Variants in PTPN4 observed in about 807,000 individuals in gnomAD.
PTPN4 encodes tyrosine-protein phosphatase non-receptor type 4.
A neutral mutation model predicts 135.5 loss-of-function variants in PTPN4; 49 were observed. The observed-to-expected ratio is 0.36, with a 90% CI of 0.29 to 0.46. PTPN4 has a LOEUF of 0.46. PTPN4 is among the 20% of genes least tolerant of loss of function. PTPN4 has a pLI of 1.00. For missense variants in PTPN4, 860 were observed against 1,101.0 expected (o/e 0.78, Z 3.10); for synonymous variants, 333 against 369.9 (o/e 0.90, Z 1.14).
intron 1 of PTPN4, among the ~76,000 whole-genome samples, chr2:119,793,846 G>GTTTTTTTTTTTTTTTTTTTTTTTT (rs55956611): frequency 1.2e-4 from 3 of 24,800 alleles, no homozygotes; most frequent in African/African-American, 1.8e-4. Flanking sequence ...TTCATTTTTA[G>GTTTTTTTTTTTTTTTTTTTTTTTT]TTTTTTTTTT....
intron 13 of PTPN4, 75 bp downstream of exon 13, chr2:119,926,741 AT>A: frequency 8.7e-7 from 1 of 1,149,232 alleles, no homozygotes; most frequent in South Asian, 1.6e-5. Context: ...TTTTCTAAAT[AT>A]TTTTTCTAAA....
intron 20 of PTPN4, among the ~76,000 whole-genome samples, chr2:119,955,800 G>C (rs1425651905): frequency 6.6e-6 from 1 of 152,042 alleles, no homozygotes; most frequent in African/African-American, 2.4e-5. Flanking sequence ...AGCCGGGTGT[G>C]GTGGCAGGTG....
chr2:119,904,645 A>C (rs961453643), intron 10 of PTPN4, among the ~76,000 whole-genome samples: 2 of 152,236 alleles, frequency 1.3e-5, no homozygotes, highest in African/African-American at 4.8e-5. Flanking sequence ...AAAGAGCAAG[A>C]GGAAAGGATC....
At chr2:119,830,588 C>T (rs1322077931) in intron 2 of PTPN4, among the ~76,000 whole-genome samples, 2 of 152,130 alleles carry the variant, frequency 1.3e-5, no homozygotes, top group African/African-American at 4.8e-5. Flanking sequence ...CCTGCCTCAG[C>T]CTCCAGAGTA....
At chr2:119,964,935 C>T (rs1341639134) in intron 24 of PTPN4, among the ~76,000 whole-genome samples, 2 of 152,076 alleles carry the variant, frequency 1.3e-5, no homozygotes, top group African/African-American at 4.8e-5. Flanking sequence ...AGCAGGGATG[C>T]AGCAGATAAA....
intron 1 of PTPN4, among the ~76,000 whole-genome samples, chr2:119,804,141 TTCTG>T (rs1442560603): frequency 6.6e-6 from 1 of 152,072 alleles, no homozygotes; most frequent in Non-Finnish European, 1.5e-5. Flanking sequence ...GAGACAGGGT[TTCTG>T]TCTGTCTCTG....
At chr2:119,838,392 T>G (rs1677328241) in intron 2 of PTPN4, among the ~76,000 whole-genome samples, 1 of 152,158 alleles carries the variant, frequency 6.6e-6, no homozygotes, top group African/African-American at 2.4e-5. Flanking sequence ...TGACACCCCA[T>G]GAATTCTGTG....
chr2:119,947,330 T>C (rs559482776), intron 18 of PTPN4, among the ~76,000 whole-genome samples: 9 of 152,160 alleles, frequency 5.9e-5, no homozygotes, highest in Admixed American at 5.9e-4. Context: ...TTTTTGGTGC[T>C]TTGCAGCAAC....
At chr2:119,856,707 TAAC>T (rs1336127260) in intron 2 of PTPN4, among the ~76,000 whole-genome samples, 9 of 152,204 alleles carry the variant, frequency 5.9e-5, no homozygotes. Context: ...TAAGAAGTCT[TAAC>T]AGACTTATTG....
At chr2:119,912,871 G>A (rs1678594306) in intron 10 of PTPN4, among the ~76,000 whole-genome samples, 1 of 152,012 alleles carries the variant, frequency 6.6e-6, no homozygotes, top group Non-Finnish European at 1.5e-5. Flanking sequence ...GCCATTTCCT[G>A]TTCTTTTCTA....
chr2:119,782,891 A>G (rs12469317), intron 1 of PTPN4, among the ~76,000 whole-genome samples: 85,494 of 150,154 alleles, frequency 0.57, 26,216 homozygotes, highest in East Asian at 0.8. Context: ...AAAAATGTGT[A>G]GAGACAGGAT....
intron 9 of PTPN4, among the ~76,000 whole-genome samples, chr2:119,894,960 T>C (rs990340463): frequency 7.2e-5 from 11 of 152,030 alleles, no homozygotes; most frequent in Non-Finnish European, 7.4e-5. Flanking sequence ...TTTGTAGAAA[T>C]CTTTTGGGGG....
At chr2:119,904,509 C>T (rs190353424) in intron 10 of PTPN4, among the ~76,000 whole-genome samples, 1 of 152,114 alleles carries the variant, frequency 6.6e-6, no homozygotes, top group Non-Finnish European at 1.5e-5. Flanking sequence ...AGCTTCCCAA[C>T]TCTTGCAAGA....
chr2:119,809,877 T>C lies in PTPN4; in HGVS notation c.24T>C (p.Pro8=). 6.2e-7 allele frequency: 1 copy of C among 1,611,956 alleles called. No homozygotes were observed. The highest frequency in any genetic ancestry group is 1.3e-5 in the African/African-American group (1 of 74,890). Residue 8 remains proline (P), a synonymous_variant, in exon 2 of 27, where the codon CCT becomes CCC. Transcript: ENST00000263708. The part of the protein sequence containing the change: MTSRFRL[P]AGRTYNVRAS... ...TAATGACCTCACGTTTCCGATTGCC[T>C]GCTGGCAGAACCTACAATGTACGAG...
intron 9 of PTPN4, among the ~76,000 whole-genome samples, chr2:119,886,084 C>T (rs1185990501): frequency 1.3e-5 from 2 of 152,070 alleles, no homozygotes; most frequent in Non-Finnish European, 2.9e-5. Flanking sequence ...GTGGATTCTT[C>T]AAGGTAGTGT....
intron 9 of PTPN4, among the ~76,000 whole-genome samples, chr2:119,888,657 A>G (rs1453286179): frequency 6.6e-6 from 1 of 152,158 alleles, no homozygotes; most frequent in Non-Finnish European, 1.5e-5. Context: ...AACTATCCTT[A>G]CATTCCTGAT....
At chr2:119,785,035 C>T (rs1691022541) in intron 1 of PTPN4, among the ~76,000 whole-genome samples, 1 of 152,242 alleles carries the variant, frequency 6.6e-6, no homozygotes, top group East Asian at 1.9e-4. Context: ...TCAACTTTAG[C>T]ACTATTGACA....
intron 2 of PTPN4, among the ~76,000 whole-genome samples, chr2:119,820,584 T>G (rs1677051253): frequency 6.6e-6 from 1 of 152,184 alleles, no homozygotes; most frequent in African/African-American, 2.4e-5. Context: ...GTGTTGATGT[T>G]GATGGATGTG....
chr2:119,939,039 C>T (rs903531862), intron 15 of PTPN4, among the ~76,000 whole-genome samples: 4 of 152,154 alleles, frequency 2.6e-5, no homozygotes, highest in Non-Finnish European at 1.5e-5. Context: ...AAGCCTGTTT[C>T]CTCACTGTTA....
Sources: gnomAD v4.1 joint callset for allele counts (sites outside exome capture counted in the v4.1 genomes callset) on GRCh38, gnomAD v4.1.1 for gene constraint, MANE v1.5 for transcripts, NCBI Gene and HGNC (gene_info 2026-07-23, HGNC 2026-07-21) for gene names.